The following TF variants were observed in gnomAD, a reference collection of about 807,000 sequenced individuals.
The protein encoded by TF is transferrin.
In TF, 55 loss-of-function variants were observed where a neutral mutation model predicts 82.4. The observed-to-expected ratio is 0.67, with a 90% CI of 0.54 to 0.84. The LOEUF (loss-of-function observed/expected upper bound fraction) is 0.84. TF is among the 40% of genes least tolerant of loss of function. The pLI is 0.00. For missense variants in TF, 737 were observed against 868.4 expected (o/e 0.85, Z 1.90); for synonymous variants, 332 against 332.6 (o/e 1.00, Z 0.02).
chr3:133,755,246 G>A, intron 4 of TF, 117 bp from the exon 5 acceptor site: 3 of 1,319,378 alleles, frequency 2.3e-6, no homozygotes, highest in South Asian at 1.2e-5. Flanking sequence ...AGCTGGGGCT[G>A]CATGTGCTGG....
the TF span, among the ~76,000 whole-genome samples, chr3:133,676,951 A>G: frequency 3.3e-5 from 5 of 152,336 alleles, no homozygotes; most frequent in African/African-American, 9.6e-5. Flanking sequence ...AGAGTCTGGG[A>G]TACGCTTTCT....
chr3:133,678,851 TTTTTGTTTTGTTTTGTTTTG>T, the TF span, among the ~76,000 whole-genome samples: 6 of 149,440 alleles, frequency 4.0e-5, no homozygotes, highest in Middle Eastern at 3.5e-3. Flanking sequence ...GCCCAGCTAT[TTTTTGTTTTGTTTTGTTTTG>T]TTTTGTTTTG....
At chr3:133,746,941 C>T (rs1452159205) in intron 1 of TF, among the ~76,000 whole-genome samples, 1 of 152,190 alleles carries the variant, frequency 6.6e-6, no homozygotes, top group Non-Finnish European at 1.5e-5. Flanking sequence ...TGAAGCCAGA[C>T]TTCTTGGATC....
the TF span, among the ~76,000 whole-genome samples, chr3:133,709,147 A>C: frequency 6.6e-6 from 1 of 152,228 alleles, no homozygotes; most frequent in Non-Finnish European, 1.5e-5. Context: ...AGGATGGAGA[A>C]GGGATACTAG....
the TF span, among the ~76,000 whole-genome samples, chr3:133,720,384 G>T: frequency 1.8e-4 from 28 of 152,202 alleles, 3 homozygotes; most frequent in South Asian, 4.8e-3. Flanking sequence ...TTCTATTAAT[G>T]TGGTGTATCC....
At chr3:133,751,335 C>A (rs1264464948) in intron 2 of TF, among the ~76,000 whole-genome samples, 1 of 151,104 alleles carries the variant, frequency 6.6e-6, no homozygotes, top group Non-Finnish European at 1.5e-5. Context: ...CGGGTTCACG[C>A]CATTCTCCTG....
chr3:133,737,259 G>C, the TF span, among the ~76,000 whole-genome samples: 3 of 152,134 alleles, frequency 2.0e-5, no homozygotes, highest in Non-Finnish European at 4.4e-5. Context: ...TAAGTTCTTT[G>C]AAACCAATGA....
chr3:133,673,092 C>A, the TF span, among the ~76,000 whole-genome samples: 5,439 of 152,134 alleles, frequency 0.036, 358 homozygotes, highest in African/African-American at 0.12. Context: ...ATTAATAGTT[C>A]GGCAGTAACT....
chr3:133,713,595 GGTGTGA>G, the TF span, among the ~76,000 whole-genome samples: 3 of 152,158 alleles, frequency 2.0e-5, no homozygotes, highest in African/African-American at 7.2e-5. Flanking sequence ...TCCACCCCTG[GGTGTGA>G]TTTTTAGTAT....
chr3:133,756,356 T>A lies in TF; in HGVS notation c.691+19T>A. The stretch of plus-strand genomic sequence containing the variant: ...ATATTTGGTAAGAATGGGACAAGAA[T>A]CCACCAGGGCCACTCCAAGTAGTGG... On this transcript the variant is annotated intron_variant, in intron 6 of 16. Coordinates refer to ENST00000402696, the MANE Select transcript of TF (RefSeq NM_001063.4). 4 of 1,613,738 alleles carry A rather than the reference T, an allele frequency of 2.5e-6. No homozygotes were observed. Among genetic ancestry groups the A allele is most frequent in the Non-Finnish European group, 3.4e-6 (4 of 1,179,732 alleles).
chr3:133,757,701 C>T, intron 7 of TF, 68 bp from the exon 8 acceptor site: 2 of 1,464,748 alleles, frequency 1.4e-6, no homozygotes, highest in South Asian at 2.3e-5. Flanking sequence ...TTTCTTTTCT[C>T]TTCAGTCCCA....
the TF span, among the ~76,000 whole-genome samples, chr3:133,720,946 C>T: frequency 1.3e-5 from 2 of 151,686 alleles, no homozygotes; most frequent in Non-Finnish European, 2.9e-5. Flanking sequence ...TATAATGTCT[C>T]CTCTTTCATT....
At position 133,792,982 on chromosome 3, in the gene TF, C is replaced by A. The variant is rs1236903361; in HGVS notation, c.*14362C>A. 1 of 152,090 alleles carries A rather than the reference C, an allele frequency of 6.6e-6. No individual in the cohort carries two copies. Among genetic ancestry groups the A allele is most frequent in the Non-Finnish European group, 1.5e-5 (1 of 67,998 alleles). 9.4% of individuals were successfully genotyped at this position (152,090 alleles called of 1,614,324 possible). A position where few individuals can be genotyped will look rare whatever the true frequency, so the allele number is the denominator to read the frequency against. Reference sequence around the variant, plus strand: ...TTATAAAAGGTTTATGAGAATCTCACCTTATGGTCAAACGGATTAAGATTG... The same window carrying A: ...TTATAAAAGGTTTATGAGAATCTCAACTTATGGTCAAACGGATTAAGATTG... On this transcript the variant is annotated 3_prime_UTR_variant, in exon 17 of 17. Coordinates refer to ENST00000402696, the MANE Select transcript of TF (RefSeq NM_001063.4).
In TF at chr3:133,782,400, A is replaced by G. The variant is rs1382456534; in HGVS notation, c.*3780A>G. 1 of 150,654 alleles carries G rather than the reference A, an allele frequency of 6.6e-6. No individual in the cohort carries two copies. Among genetic ancestry groups the G allele is most frequent in the African/African-American group, 2.5e-5 (1 of 40,224 alleles). The allele number at this position is 150,654 out of a possible 1,614,324, so 9.3% of individuals were successfully genotyped here. ...AAGCAACCTAAATGCCTGTTGAAGA[A>G]TGAATGGATAAAGAAACTGTATACA... On this transcript the variant is annotated 3_prime_UTR_variant, in exon 17 of 17. Coordinates refer to ENST00000402696, the MANE Select transcript of TF (RefSeq NM_001063.4).
At chr3:133,707,277 T>C in the TF span, among the ~76,000 whole-genome samples, 1 of 151,644 alleles carries the variant, frequency 6.6e-6, no homozygotes, top group Admixed American at 6.6e-5. Flanking sequence ...AATAGTGGCA[T>C]TGAAGGAAGG....
Position 133,748,407 on chromosome 3 carries a change from C to G in TF, c.44-5C>G. 1 of 1,614,046 alleles carries G rather than the reference C, an allele frequency of 6.2e-7. No individual in the cohort carries two copies. The highest frequency in any genetic ancestry group is 8.5e-7 in the Non-Finnish European group (1 of 1,180,014). On this transcript the variant is annotated splice_region_variant and splice_polypyrimidine_tract_variant and intron_variant, in intron 1 of 16. Coordinates refer to ENST00000402696, the MANE Select transcript of TF (RefSeq NM_001063.4). Reference sequence around the variant, plus strand: ...GCCCTTCCACCTCTGGCCTCTCTCCCCCAGGGCTGTGTCTGGCTGTCCCTG... The same window carrying G: ...GCCCTTCCACCTCTGGCCTCTCTCCGCCAGGGCTGTGTCTGGCTGTCCCTG...
At chr3:133,665,935 C>CAAA in the TF span, among the ~76,000 whole-genome samples, 37 of 52,004 alleles carry the variant, frequency 7.1e-4, no homozygotes, top group Non-Finnish European at 1.0e-3. Context: ...AACTCCATCT[C>CAAA]AAAAAAAAAA....
At chr3:133,718,134 C>A in the TF span, among the ~76,000 whole-genome samples, 1 of 151,898 alleles carries the variant, frequency 6.6e-6, no homozygotes, top group Non-Finnish European at 1.5e-5. Flanking sequence ...AGGATGATTT[C>A]TTTTAGGTAT....
the TF span, among the ~76,000 whole-genome samples, chr3:133,722,294 G>A: frequency 6.6e-6 from 1 of 151,854 alleles, no homozygotes; most frequent in Non-Finnish European, 1.5e-5. Flanking sequence ...TTCACTTTCA[G>A]TCTATGTTTG....
Sources: gnomAD v4.1 joint callset for allele counts (sites outside exome capture counted in the v4.1 genomes callset) on GRCh38, gnomAD v4.1.1 for gene constraint, MANE v1.5 for transcripts, NCBI Gene and HGNC (gene_info 2026-07-23, HGNC 2026-07-21) for gene names.